Variants in SPAG6 observed in about 807,000 individuals in gnomAD.
SPAG6 encodes the protein sperm associated antigen 6, also known as sperm-associated antigen 6.
In SPAG6, 49 loss-of-function variants were observed where a neutral mutation model predicts 58.5. The ratio of observed to expected loss-of-function variants is 0.84; its 90% CI spans 0.67 to 1.06. The LOEUF (loss-of-function observed/expected upper bound fraction) is 1.06. Ranked by LOEUF, SPAG6 falls within the 50% of genes least tolerant of loss-of-function variation. SPAG6 has a pLI of 0.00. For synonymous variants in SPAG6, 233 were observed against 225.6 expected (o/e 1.03, Z -0.29); for missense variants, 560 against 611.3 (o/e 0.92, Z 0.89).
intron 4 of SPAG6, among the ~76,000 whole-genome samples, chr10:22,383,858 G>A (rs1834010734): frequency 6.6e-6 from 1 of 151,996 alleles, no homozygotes; most frequent in Non-Finnish European, 1.5e-5. Flanking sequence ...CTTTCCCCAA[G>A]ATCTAGCCAA....
At chr10:22,401,009 T>A in intron 8 of SPAG6, 152 bp from the exon 9 acceptor site, 1 of 576,454 alleles carries the variant, frequency 1.7e-6, no homozygotes, top group Non-Finnish European at 3.1e-6. Context: ...AAGCAGGAGT[T>A]TTTTTTGGAC....
chr10:22,391,861 T>C lies in SPAG6; in HGVS notation c.1138T>C (p.Leu380=). Residue 380 remains leucine, a synonymous_variant, in exon 8 of 11, where the codon TTG becomes CTG. Coordinates refer to ENST00000376624, the MANE Select transcript of SPAG6 (RefSeq NM_012443.4). ...ACGGGCTGTTGCAGTCACAAATACT[T>C]TGCCAGTTCTGCTTTCTTTGTACAT... ...HARAVAVTNT[L]PVLLSLYMST... The C allele has an allele frequency of 6.2e-7, 1 of 1,613,518 alleles. No individual in the cohort carries two copies. The highest frequency in any genetic ancestry group is 8.5e-7 in the Non-Finnish European group (1 of 1,179,714).
At position 22,387,816 on chromosome 10, in the gene SPAG6, T is replaced by C. The variant is rs759754534; in HGVS notation, c.679-7T>C. 1.9e-5 allele frequency: 30 copies of C among 1,593,974 alleles called. No homozygotes were observed. Among genetic ancestry groups the C allele is most frequent in the Non-Finnish European group, 4.3e-6 (5 of 1,174,364 alleles). ...TTTGTTGTTGTTGTTTTTTTTTTGC[T>C]TCACAGCATCAGATCCTTTCAGCTC... is the stretch of plus-strand genomic sequence containing the variant. On this transcript the variant is annotated splice_polypyrimidine_tract_variant and splice_region_variant and intron_variant, in intron 5 of 10. Coordinates refer to ENST00000376624, the MANE Select transcript of SPAG6 (RefSeq NM_012443.4).
At chr10:22,393,650 G>A (rs1485506570) in intron 8 of SPAG6, among the ~76,000 whole-genome samples, 1 of 152,110 alleles carries the variant, frequency 6.6e-6, no homozygotes, top group Non-Finnish European at 1.5e-5. Flanking sequence ...AAGTGAAAAA[G>A]TGGGATCTTT....
chr10:22,346,430 G>GTCTTC (rs1836531501), intron 2 of SPAG6, among the ~76,000 whole-genome samples: 1 of 95,920 alleles, frequency 1.0e-5, no homozygotes, highest in Non-Finnish European at 2.2e-5. Context: ...AGAGAAAATG[G>GTCTTC]TTCTTCTTCT....
At position 22,395,334 on chromosome 10, in the gene SPAG6, T is replaced by G. The variant is rs577825812; in HGVS notation, c.1197+3414T>G. On this transcript the variant is annotated intron_variant, in intron 8 of 10. Coordinates refer to ENST00000376624, the MANE Select transcript of SPAG6 (RefSeq NM_012443.4). ...CGAGAAACTGCCCAACTGTTTTCCA[T>G]TGTACTACCAGCAAGGTATGATGGT... is the stretch of plus-strand genomic sequence containing the variant. Among the ~76,000 whole-genome samples, 15 of 152,314 alleles carry G rather than the reference T, an allele frequency of 9.8e-5. No individual in the cohort carries two copies. In the South Asian group the frequency reaches 2.5e-3, roughly 25 times the overall value.
intron 9 of SPAG6, among the ~76,000 whole-genome samples, chr10:22,403,895 G>C (rs1266250185): frequency 6.6e-6 from 1 of 151,398 alleles, no homozygotes; most frequent in Admixed American, 6.6e-5. Context: ...GTGATGGTGA[G>C]CATTTTTTCA....
At chr10:22,414,640 T>C (rs1043484358) in intron 10 of SPAG6, among the ~76,000 whole-genome samples, 3 of 152,226 alleles carry the variant, frequency 2.0e-5, no homozygotes, top group Non-Finnish European at 4.4e-5. Flanking sequence ...TTAAACTGAA[T>C]TTTTAATATT....
At chr10:22,369,105 T>A (rs1837276048) in intron 4 of SPAG6, among the ~76,000 whole-genome samples, 1 of 152,152 alleles carries the variant, frequency 6.6e-6, no homozygotes, top group Non-Finnish European at 1.5e-5. Flanking sequence ...TCCTGCCCAT[T>A]CATGATAGGG....
At chr10:22,355,023 C>T (rs1311157477) in intron 2 of SPAG6, among the ~76,000 whole-genome samples, 2 of 150,574 alleles carry the variant, frequency 1.3e-5, no homozygotes, top group Non-Finnish European at 3.0e-5. Flanking sequence ...CAGACAGTTG[C>T]ACTAGAAAAA....
chr10:22,413,708 T>TATATATATATATA (rs1564384103), intron 10 of SPAG6, among the ~76,000 whole-genome samples: 6 of 150,872 alleles, frequency 4.0e-5, no homozygotes, highest in Admixed American at 1.3e-4. Flanking sequence ...TATATATATA[T>TATATATATATATA]TTCACCCACA....
Position 22,395,427 on chromosome 10 carries a change from G to T in SPAG6, c.1197+3507G>T, listed in dbSNP as rs531341983. Among the ~76,000 whole-genome samples the T allele has an allele frequency of 3.9e-5, 6 of 152,204 alleles. No individual in the cohort carries two copies. The East Asian group carries it at 1.2e-3, about 29-fold the overall frequency. On this transcript the variant is annotated intron_variant, in intron 8 of 10. Coordinates refer to ENST00000376624, the MANE Select transcript of SPAG6 (RefSeq NM_012443.4). The stretch of plus-strand genomic sequence containing the variant: ...ATTTTTGATTGTAGTCATCCTAGTG[G>T]GTTTGAATTGGTATCTCATTGTGGT...
chr10:22,358,527 A>G (rs1337686171), intron 2 of SPAG6, among the ~76,000 whole-genome samples: 1 of 151,976 alleles, frequency 6.6e-6, no homozygotes, highest in Non-Finnish European at 1.5e-5. Flanking sequence ...CCCATTTTAT[A>G]GGTTGCCTGT....
intron 7 of SPAG6, among the ~76,000 whole-genome samples, chr10:22,389,912 T>A (rs924230318): frequency 6.6e-6 from 1 of 152,172 alleles, no homozygotes; most frequent in Non-Finnish European, 1.5e-5. Context: ...CCCTGGCACA[T>A]AGTAGGTGCT....
chr10:22,383,210 A>G (rs1227210554), intron 4 of SPAG6, among the ~76,000 whole-genome samples: 1 of 152,160 alleles, frequency 6.6e-6, no homozygotes, highest in Non-Finnish European at 1.5e-5. Context: ...TCATAATGTG[A>G]TAATTGGACA....
intron 10 of SPAG6, chr10:22,412,633 C>T (rs552301634): frequency 3.0e-5 from 16 of 539,318 alleles, no homozygotes; most frequent in African/African-American, 3.9e-5. Context: ...TGCAGTAGCG[C>T]GATCTTGGCT....
chr10:22,409,784 C>G (rs138379494), intron 9 of SPAG6, among the ~76,000 whole-genome samples: 140 of 151,456 alleles, frequency 9.2e-4, no homozygotes, highest in Admixed American at 2.2e-3. Flanking sequence ...TCTGGTCAGT[C>G]TTTTTTTTTG....
At position 22,368,558 on chromosome 10, in the gene SPAG6, G is replaced by T. The variant is rs1478905231; in HGVS notation, c.352G>T (p.Ala118Ser). ...RAVGKHSPQL[A>S]QAIVDCGALD... is the part of the protein sequence containing the mutation. ...AGTTGGTAAACATTCTCCCCAGCTA[G>T]CTCAGGCAATAGTCGATTGTGGAGC... Residue 118 changes from alanine (A) to serine (S), a missense_variant, in exon 4 of 11, where the codon GCT becomes TCT. Physicochemically the swap from Ala to Ser is moderately conservative, Grantham distance 99. Transcript: ENST00000376624. 1.2e-6 allele frequency: 2 copies of T among 1,613,972 alleles called. No individual in the cohort carries two copies. Among genetic ancestry groups the T allele is most frequent in the Non-Finnish European group, 8.5e-7 (1 of 1,179,966 alleles).
intron 2 of SPAG6, chr10:22,346,047 G>T (rs1588627619): frequency 6.5e-7 from 1 of 1,536,620 alleles, no homozygotes; most frequent in Non-Finnish European, 8.8e-7. Context: ...TTGCACACAG[G>T]CAAGTGTCAG....
Sources: allele counts gnomAD v4.1 joint callset (sites outside exome capture counted in the v4.1 genomes callset), GRCh38; gene constraint gnomAD v4.1.1; transcripts MANE v1.5; gene names NCBI Gene and HGNC (gene_info 2026-07-23, HGNC 2026-07-21).